Variants in KCNIP4 observed in about 807,000 individuals in gnomAD.
KCNIP4 encodes the protein potassium voltage-gated channel interacting protein 4, also known as Kv channel-interacting protein 4.
Under a neutral mutation model 34.0 loss-of-function variants are expected in KCNIP4, and 12 were observed. That is an observed-to-expected ratio of 0.35 (90% CI 0.23 to 0.57). The LOEUF (loss-of-function observed/expected upper bound fraction) is 0.57. Among genes scored for constraint, KCNIP4 ranks in the 20% least tolerant of loss-of-function variants. The pLI is 0.83. For synonymous variants in KCNIP4, 124 were observed against 102.2 expected (o/e 1.21, Z -1.29); for missense variants, 238 against 311.7 (o/e 0.76, Z 1.78).
At chr4:21,332,294 A>AT (rs898456419) in intron 1 of KCNIP4, among the ~76,000 whole-genome samples, 20 of 149,394 alleles carry the variant, frequency 1.3e-4, no homozygotes, top group South Asian at 2.1e-4. Context: ...AAGGATTCTG[A>AT]TTTTTTTTTA....
intron 1 of KCNIP4, among the ~76,000 whole-genome samples, chr4:21,254,130 G>A (rs886943691): frequency 6.6e-6 from 1 of 152,198 alleles, no homozygotes; most frequent in Admixed American, 6.5e-5. Context: ...GATTGAAAAT[G>A]TTGATGCATG....
chr4:20,885,030 A>C (rs1263517904), intron 1 of KCNIP4, among the ~76,000 whole-genome samples: 1 of 151,902 alleles, frequency 6.6e-6, no homozygotes, highest in Non-Finnish European at 1.5e-5. Context: ...CAGTTCAAAC[A>C]CACCTTCCTC....
At chr4:21,464,556 C>T (rs971019719) in intron 1 of KCNIP4, 6 of 152,082 alleles carry the variant, frequency 3.9e-5, no homozygotes, top group African/African-American at 1.2e-4. Flanking sequence ...GGAGACCATA[C>T]TTTGTATAAT....
intron 1 of KCNIP4, among the ~76,000 whole-genome samples, chr4:21,512,783 T>A (rs1002726788): frequency 6.6e-6 from 1 of 152,214 alleles, no homozygotes; most frequent in Non-Finnish European, 1.5e-5. Flanking sequence ...ATTGGAAATG[T>A]TAATATTTCT....
intron 1 of KCNIP4, among the ~76,000 whole-genome samples, chr4:21,113,961 G>C (rs945201458): frequency 7.2e-5 from 11 of 152,226 alleles, no homozygotes; most frequent in African/African-American, 2.6e-4. Context: ...AGCTAGAATT[G>C]AGATTTCTCT....
At chr4:21,143,601 T>C (rs985964262) in intron 1 of KCNIP4, among the ~76,000 whole-genome samples, 1 of 152,232 alleles carries the variant, frequency 6.6e-6, no homozygotes, top group African/African-American at 2.4e-5. Flanking sequence ...TGGGTATTGT[T>C]TTAAGCCACT....
chr4:21,453,741 C>A (rs1196008495), intron 1 of KCNIP4, among the ~76,000 whole-genome samples: 1 of 152,112 alleles, frequency 6.6e-6, no homozygotes, highest in Non-Finnish European at 1.5e-5. Context: ...GTTTGATTTT[C>A]TGGTGGCAAG....
intron 1 of KCNIP4, among the ~76,000 whole-genome samples, chr4:21,064,754 T>C (rs895856859): frequency 6.6e-6 from 1 of 152,104 alleles, no homozygotes; most frequent in Non-Finnish European, 1.5e-5. Context: ...GACATAAAAA[T>C]GAGGAATTCA....
At chr4:21,853,946 C>A (rs987237781) in intron 1 of KCNIP4, among the ~76,000 whole-genome samples, 3 of 152,110 alleles carry the variant, frequency 2.0e-5, no homozygotes, top group Non-Finnish European at 4.4e-5. Context: ...CTGCTCTGTG[C>A]AAGGCCTTGA....
At chr4:21,526,709 C>A (rs1456332456) in intron 1 of KCNIP4, among the ~76,000 whole-genome samples, 1 of 152,064 alleles carries the variant, frequency 6.6e-6, no homozygotes, top group African/African-American at 2.4e-5. Context: ...TATTCCAGCA[C>A]AATGGAGGCC....
Position 21,234,491 on chromosome 4 carries a change from A to G in KCNIP4, c.62-351782T>C, listed in dbSNP as rs1214757674. ...ATAATATATAGTACATATAACGTAT[A>G]TAATATATATTACATATAACGTATA... is the stretch of plus-strand genomic sequence containing the variant. On this transcript the variant is annotated intron_variant, in intron 1 of 8. Transcript: ENST00000382152. 1.6e-5 allele frequency among the ~76,000 whole-genome samples: 2 copies of G among 125,388 alleles called. 1 individual carries two copies. The highest frequency in any genetic ancestry group is 4.3e-4 in the East Asian group (2 of 4,664). The allele number at this position is 125,388 out of a possible 152,430, so 82.3% of individuals were successfully genotyped here. A position where few individuals can be genotyped will look rare whatever the true frequency, so the allele number is the denominator to read the frequency against.
chr4:21,815,050 A>G (rs2109277412), intron 1 of KCNIP4, among the ~76,000 whole-genome samples: 1 of 152,302 alleles, frequency 6.6e-6, no homozygotes, highest in South Asian at 2.1e-4. Context: ...AACCAACAGA[A>G]CACTATACAT....
intron 1 of KCNIP4, among the ~76,000 whole-genome samples, chr4:21,091,358 T>C (rs1168784789): frequency 6.6e-6 from 1 of 152,180 alleles, no homozygotes; most frequent in Admixed American, 6.6e-5. Context: ...TGTACAAATA[T>C]TGAATGCCAT....
At chr4:21,616,360 A>G (rs1213275420) in intron 1 of KCNIP4, among the ~76,000 whole-genome samples, 2 of 151,824 alleles carry the variant, frequency 1.3e-5, no homozygotes, top group Non-Finnish European at 2.9e-5. Flanking sequence ...CTTTATTACC[A>G]TCTAACACAT....
chr4:21,571,973 G>A (rs1008530785), intron 1 of KCNIP4, among the ~76,000 whole-genome samples: 1 of 152,104 alleles, frequency 6.6e-6, no homozygotes, highest in Admixed American at 6.6e-5. Context: ...GAGATGTAAA[G>A]TAACTTTCCA....
intron 1 of KCNIP4, among the ~76,000 whole-genome samples, chr4:20,968,097 C>T (rs77152575): frequency 0.14 from 21,196 of 151,942 alleles, 1,821 homozygotes; most frequent in East Asian, 0.26. Flanking sequence ...AAAAACAACC[C>T]CATCAAAAAG....
chr4:21,531,625 C>A (rs1736691589), intron 1 of KCNIP4, among the ~76,000 whole-genome samples: 1 of 151,894 alleles, frequency 6.6e-6, no homozygotes, highest in African/African-American at 2.4e-5. Flanking sequence ...GACCCAACCA[C>A]CTGGGCCTCC....
At chr4:21,500,708 C>G (rs1339802428) in intron 1 of KCNIP4, among the ~76,000 whole-genome samples, 1 of 152,004 alleles carries the variant, frequency 6.6e-6, no homozygotes, top group Non-Finnish European at 1.5e-5. Flanking sequence ...GTCATAAATT[C>G]TATGTAAAAC....
At chr4:20,842,316 G>A (rs1258325571) in intron 3 of KCNIP4, among the ~76,000 whole-genome samples, 2 of 152,086 alleles carry the variant, frequency 1.3e-5, no homozygotes, top group Non-Finnish European at 2.9e-5. Context: ...TTTCTCGCAG[G>A]AGAAAAAGTC....
Sources: gnomAD v4.1 joint callset for allele counts (sites outside exome capture counted in the v4.1 genomes callset) on GRCh38, gnomAD v4.1.1 for gene constraint, MANE v1.5 for transcripts, NCBI Gene and HGNC (gene_info 2026-07-23, HGNC 2026-07-21) for gene names.